Variants in ELAPOR2 observed in about 807,000 individuals in gnomAD.
ELAPOR2 encodes the protein endosome-lysosome associated apoptosis and autophagy regulator family member 2.
Under a neutral mutation model 120.7 loss-of-function variants are expected in ELAPOR2, and 89 were observed. That is an observed-to-expected ratio of 0.74 (90% CI 0.62 to 0.88). ELAPOR2 has a LOEUF of 0.88. Ranked by LOEUF, ELAPOR2 falls within the 40% of genes least tolerant of loss-of-function variation. ELAPOR2 has a pLI of 0.00. For synonymous variants in ELAPOR2, 444 were observed against 444.9 expected, an observed-to-expected ratio of 1.00 and a Z score of 0.03; for missense variants, 1,134 against 1,251.6, an observed-to-expected ratio of 0.91 and a Z score of 1.42.
intron 16 of ELAPOR2, 48 bp from the exon 17 acceptor site, chr7:86,908,591 T>C (rs771253273): frequency 1.2e-6 from 1 of 844,776 alleles, no homozygotes; most frequent in Admixed American, 2.6e-5. Context: ...GAAAATTAGT[T>C]TTATTTGGTC....
rs1465245126 is a variant in ELAPOR2 at position 86,919,311 on chromosome 7, C to G, written c.1400-1G>C. 6.3e-7 allele frequency: 1 copy of G among 1,589,618 alleles called. No individual in the cohort carries two copies. Among genetic ancestry groups the G allele is most frequent in the South Asian group, 1.1e-5 (1 of 87,610 alleles). On this transcript the variant is annotated splice_acceptor_variant, in intron 10 of 21. Coordinates refer to ENST00000450689, the MANE Select transcript of ELAPOR2 (RefSeq NM_001142749.3). LOFTEE classifies it high-confidence loss of function. ...ATATGATCTCCAGCCACCTCCCAAC[C>G]TAGAAGTAATAAAAGTCATTTTTAT...
intron 2 of ELAPOR2, among the ~76,000 whole-genome samples, chr7:86,950,824 G>A (rs1235056735): frequency 2.0e-5 from 3 of 152,202 alleles, no homozygotes; most frequent in Non-Finnish European, 4.4e-5. Context: ...TGGCCACAGG[G>A]GTTTCCAGCT....
At chr7:86,955,775 T>A (rs1196795591) in intron 2 of ELAPOR2, among the ~76,000 whole-genome samples, 1 of 152,012 alleles carries the variant, frequency 6.6e-6, no homozygotes, top group Non-Finnish European at 1.5e-5. Context: ...TGTGTAACCA[T>A]AAGCAACCAA....
At chr7:87,050,459 C>A (rs1381260564) in intron 1 of ELAPOR2, among the ~76,000 whole-genome samples, 1 of 152,142 alleles carries the variant, frequency 6.6e-6, no homozygotes, top group Non-Finnish European at 1.5e-5. Context: ...TGTCCCTGCT[C>A]CCCCTTTGCC....
At chr7:87,024,368 A>T (rs1215890166) in intron 1 of ELAPOR2, among the ~76,000 whole-genome samples, 1 of 152,160 alleles carries the variant, frequency 6.6e-6, no homozygotes, top group African/African-American at 2.4e-5. Context: ...GATTACGTTT[A>T]TTGATTTGCA....
chr7:86,888,713 A>G (rs1799808361), intron 21 of ELAPOR2, among the ~76,000 whole-genome samples: 1 of 152,122 alleles, frequency 6.6e-6, no homozygotes, highest in South Asian at 2.1e-4. Flanking sequence ...GTGGACAAAC[A>G]GGGAGAGTTG....
intron 1 of ELAPOR2, among the ~76,000 whole-genome samples, chr7:86,995,634 T>C (rs1271855501): frequency 1.3e-5 from 2 of 152,176 alleles, no homozygotes; most frequent in African/African-American, 2.4e-5. Flanking sequence ...TCAAGTGTTA[T>C]AATAAAAATA....
At chr7:86,990,249 C>T (rs886970618) in intron 1 of ELAPOR2, among the ~76,000 whole-genome samples, 18 of 151,970 alleles carry the variant, frequency 1.2e-4, no homozygotes, top group Admixed American at 3.3e-4. Flanking sequence ...GGGGTTTCAC[C>T]GTCTTAGCCA....
At chr7:86,892,578 G>A (rs1184867547) in intron 20 of ELAPOR2, among the ~76,000 whole-genome samples, 3 of 152,034 alleles carry the variant, frequency 2.0e-5, no homozygotes, top group Admixed American at 6.6e-5. Flanking sequence ...GAAGAAGACA[G>A]CATTATATCA....
intron 18 of ELAPOR2, among the ~76,000 whole-genome samples, chr7:86,902,478 G>T (rs1162267569): frequency 2.6e-5 from 4 of 152,090 alleles, no homozygotes; most frequent in African/African-American, 4.8e-5. Context: ...GCCAGGCCTG[G>T]AGTCTCTTTT....
intron 1 of ELAPOR2, among the ~76,000 whole-genome samples, chr7:87,058,327 T>C (rs1795326254): frequency 1.3e-5 from 2 of 152,344 alleles, no homozygotes; most frequent in Non-Finnish European, 2.9e-5. Context: ...TTTTGCTACA[T>C]TAATTAAAAC....
chr7:86,980,362 T>C (rs1792424920), intron 1 of ELAPOR2, among the ~76,000 whole-genome samples: 2 of 152,194 alleles, frequency 1.3e-5, no homozygotes, highest in African/African-American at 2.4e-5. Flanking sequence ...CTTAGCAATT[T>C]ACTTACTAAC....
At chr7:86,935,523 T>C (rs1343769578) in intron 8 of ELAPOR2, among the ~76,000 whole-genome samples, 1 of 152,066 alleles carries the variant, frequency 6.6e-6, no homozygotes. Flanking sequence ...ACTGTTTATC[T>C]CTTCCTCTAG....
intron 2 of ELAPOR2, among the ~76,000 whole-genome samples, chr7:86,951,956 C>G (rs1284212187): frequency 6.6e-6 from 1 of 152,148 alleles, no homozygotes; most frequent in Non-Finnish European, 1.5e-5. Flanking sequence ...CACATTGGCA[C>G]TATACTTGGA....
chr7:87,030,515 A>G (rs920878650), intron 1 of ELAPOR2, among the ~76,000 whole-genome samples: 1 of 152,202 alleles, frequency 6.6e-6, no homozygotes, highest in African/African-American at 2.4e-5. Context: ...TTATGGCATT[A>G]AACTGAATTA....
chr7:86,964,150 C>A (rs1363746502), intron 2 of ELAPOR2, among the ~76,000 whole-genome samples: 2 of 152,114 alleles, frequency 1.3e-5, no homozygotes, highest in Non-Finnish European at 2.9e-5. Flanking sequence ...TGGAAGACTG[C>A]AGGAAAACCC....
chr7:86,893,922 G>A (rs182424861), intron 19 of ELAPOR2, among the ~76,000 whole-genome samples: 22 of 152,056 alleles, frequency 1.4e-4, no homozygotes, highest in Admixed American at 7.9e-4. Context: ...CAACATGTAC[G>A]GTGACCAGTA....
intron 1 of ELAPOR2, among the ~76,000 whole-genome samples, chr7:87,007,316 T>C (rs1331870336): frequency 1.3e-5 from 2 of 152,178 alleles, no homozygotes; most frequent in African/African-American, 2.4e-5. Flanking sequence ...AATGAGTATA[T>C]ACACTGAGTA....
At chr7:87,021,434 C>T (rs1403431213) in intron 1 of ELAPOR2, among the ~76,000 whole-genome samples, 2 of 151,992 alleles carry the variant, frequency 1.3e-5, no homozygotes, top group South Asian at 2.1e-4. Flanking sequence ...AAATATACTG[C>T]CATATCAACA....
Sources: gnomAD v4.1 joint callset for allele counts (sites outside exome capture counted in the v4.1 genomes callset) on GRCh38, gnomAD v4.1.1 for gene constraint, MANE v1.5 for transcripts, NCBI Gene and HGNC (gene_info 2026-07-23, HGNC 2026-07-21) for gene names.